Variants in FHOD3 observed in about 807,000 individuals in gnomAD.
FHOD3 encodes formin homology 2 domain containing 3.
FHOD3 carries 90 observed loss-of-function variants against 173.0 expected under a neutral mutation model. The observed-to-expected ratio is 0.52, with a 90% CI of 0.44 to 0.62. The LOEUF (loss-of-function observed/expected upper bound fraction) is 0.62. Ranked by LOEUF, FHOD3 falls within the 20% of genes least tolerant of loss-of-function variation. FHOD3 has a pLI of 0.00. For synonymous variants in FHOD3, 828 were observed against 823.0 expected (o/e 1.01, Z -0.10); for missense variants, 1,945 against 2,034.7 (o/e 0.96, Z 0.85).
chr18:36,678,611 A>T (rs1389397678), intron 14 of FHOD3, among the ~76,000 whole-genome samples: 1 of 151,788 alleles, frequency 6.6e-6, no homozygotes, highest in Non-Finnish European at 1.5e-5. Flanking sequence ...TTCCTTGCCA[A>T]ATACCCACTG....
At chr18:36,645,174 G>GCTCATGCCTGTAATCCCAGGA (rs150696888) in intron 10 of FHOD3, among the ~76,000 whole-genome samples, 52,039 of 151,802 alleles carry the variant, frequency 0.34, 9,849 homozygotes, top group African/African-American at 0.49. Context: ...GGGCATGGTG[G>GCTCATGCCTGTAATCCCAGGA]CTTTGGGAGG....
At chr18:36,310,770 G>A (rs1260408739) in intron 1 of FHOD3, among the ~76,000 whole-genome samples, 19 of 152,076 alleles carry the variant, frequency 1.2e-4, no homozygotes, top group Admixed American at 3.3e-4. Context: ...GGAAAGCCTC[G>A]TGGAGAAGGA....
intron 10 of FHOD3, among the ~76,000 whole-genome samples, chr18:36,636,270 G>A (rs529297336): frequency 6.6e-6 from 1 of 152,294 alleles, no homozygotes; most frequent in East Asian, 1.9e-4. Flanking sequence ...ATAGCCCTCT[G>A]CAACTCCCAG....
At chr18:36,419,641 G>T (rs1368438852) in intron 3 of FHOD3, among the ~76,000 whole-genome samples, 1 of 152,200 alleles carries the variant, frequency 6.6e-6, no homozygotes, top group Non-Finnish European at 1.5e-5. Context: ...CTGACACTGG[G>T]TTGGGACTAA....
chr18:36,498,741 A>T (rs1440233721), intron 3 of FHOD3, among the ~76,000 whole-genome samples: 2 of 152,210 alleles, frequency 1.3e-5, no homozygotes, highest in Non-Finnish European at 2.9e-5. Flanking sequence ...CAATATTAAC[A>T]CCATTGCAAG....
chr18:36,343,773 A>G (rs1259627408), intron 1 of FHOD3, among the ~76,000 whole-genome samples: 1 of 152,238 alleles, frequency 6.6e-6, no homozygotes, highest in South Asian at 2.1e-4. Flanking sequence ...TTCTAAAATT[A>G]TAAATGACCC....
intron 6 of FHOD3, among the ~76,000 whole-genome samples, chr18:36,577,107 G>T (rs1006436875): frequency 4.0e-5 from 6 of 149,928 alleles, no homozygotes; most frequent in African/African-American, 1.5e-4. Context: ...AAAAAAAAAA[G>T]TTATACCATA....
intron 3 of FHOD3, among the ~76,000 whole-genome samples, chr18:36,377,261 T>A (rs1195864728): frequency 6.6e-6 from 1 of 152,178 alleles, no homozygotes; most frequent in Non-Finnish European, 1.5e-5. Flanking sequence ...CTCTCCCACT[T>A]CACTGTGTTT....
At chr18:36,689,966 A>G (rs963413613) in intron 16 of FHOD3, among the ~76,000 whole-genome samples, 2 of 152,168 alleles carry the variant, frequency 1.3e-5, no homozygotes, top group African/African-American at 4.8e-5. Context: ...TCCAAATAGA[A>G]GTGTGGCAGG....
intron 19 of FHOD3, among the ~76,000 whole-genome samples, chr18:36,730,427 G>A (rs2041298996): frequency 1.3e-5 from 2 of 152,126 alleles, no homozygotes; most frequent in African/African-American, 4.8e-5. Context: ...ATTTTTGTAT[G>A]TGTCTGACTC....
intron 3 of FHOD3, among the ~76,000 whole-genome samples, chr18:36,464,317 G>C (rs754066019): frequency 6.6e-6 from 1 of 152,224 alleles, no homozygotes; most frequent in Non-Finnish European, 1.5e-5. Context: ...AGTAACGTTT[G>C]AGCAGTTCCT....
chr18:36,649,168 C>A, intron 10 of FHOD3, 148 bp from the exon 11 acceptor site: 1 of 596,694 alleles, frequency 1.7e-6, no homozygotes. Flanking sequence ...TTCATTTCAG[C>A]CAGCTGGGTG....
At chr18:36,585,044 C>A (rs1192878984) in intron 6 of FHOD3, among the ~76,000 whole-genome samples, 1 of 152,076 alleles carries the variant, frequency 6.6e-6, no homozygotes, top group African/African-American at 2.4e-5. Flanking sequence ...TTTGTTACTA[C>A]AAAATTTTTA....
At chr18:36,457,271 C>G (rs912470376) in intron 3 of FHOD3, among the ~76,000 whole-genome samples, 2 of 152,024 alleles carry the variant, frequency 1.3e-5, no homozygotes, top group Non-Finnish European at 2.9e-5. Flanking sequence ...GCTGGACTTG[C>G]GTTTTTTAAT....
chr18:36,435,018 T>A (rs2050740750), intron 3 of FHOD3, among the ~76,000 whole-genome samples: 1 of 152,010 alleles, frequency 6.6e-6, no homozygotes, highest in Non-Finnish European at 1.5e-5. Context: ...ATATTATTAG[T>A]TGAATATTAT....
At chr18:36,455,286 A>T (rs1418841146) in intron 3 of FHOD3, among the ~76,000 whole-genome samples, 1 of 152,242 alleles carries the variant, frequency 6.6e-6, no homozygotes, top group African/African-American at 2.4e-5. Context: ...GCTTACCTCC[A>T]GCCTTATCAG....
chr18:36,569,766 A>G (rs191822790), intron 5 of FHOD3, among the ~76,000 whole-genome samples: 336 of 152,310 alleles, frequency 2.2e-3, no homozygotes, highest in African/African-American at 7.9e-3. Context: ...GTAAATCAGT[A>G]ACGGAAGGAG....
At chr18:36,758,776 G>A (rs2150242957) in intron 25 of FHOD3, among the ~76,000 whole-genome samples, 1 of 152,346 alleles carries the variant, frequency 6.6e-6, no homozygotes, top group East Asian at 1.9e-4. Context: ...CACAGAGCAG[G>A]ACACTCTCAG....
chr18:36,486,780 A>G (rs746208889), intron 3 of FHOD3, among the ~76,000 whole-genome samples: 3 of 152,156 alleles, frequency 2.0e-5, no homozygotes, highest in Admixed American at 6.5e-5. Context: ...ATATTTTCCC[A>G]TAGTTTCCTT....
Sources: gnomAD v4.1 joint callset for allele counts (sites outside exome capture counted in the v4.1 genomes callset) on GRCh38, gnomAD v4.1.1 for gene constraint, MANE v1.5 for transcripts, NCBI Gene and HGNC (gene_info 2026-07-23, HGNC 2026-07-21) for gene names.